Variants in KCNK1 observed in about 807,000 individuals in gnomAD.
KCNK1 encodes potassium channel subfamily K member 1.
In KCNK1, 10 loss-of-function variants were observed where a neutral mutation model predicts 22.2. The ratio of observed to expected loss-of-function variants is 0.45; its 90% CI spans 0.28 to 0.76. KCNK1 has a LOEUF of 0.76. KCNK1 is among the 30% of genes least tolerant of loss of function. The pLI, the probability that KCNK1 is intolerant of heterozygous loss-of-function variation, is 0.14. For synonymous variants in KCNK1, 200 were observed against 186.4 expected, an observed-to-expected ratio of 1.07 and a Z score of -0.60; for missense variants, 378 against 421.0, an observed-to-expected ratio of 0.90 and a Z score of 0.89.
intron 2 of KCNK1, among the ~76,000 whole-genome samples, chr1:233,668,960 A>G (rs886553351): frequency 6.6e-6 from 1 of 152,198 alleles, no homozygotes; most frequent in Non-Finnish European, 1.5e-5. Context: ...CCAAGAAATG[A>G]GATTGCTGGT....
intron 1 of KCNK1, among the ~76,000 whole-genome samples, chr1:233,659,371 C>T (rs1658352703): frequency 6.6e-6 from 1 of 150,578 alleles, no homozygotes; most frequent in African/African-American, 2.4e-5. Context: ...TTCTGAATTC[C>T]TCCTGAAGGA....
intron 2 of KCNK1, among the ~76,000 whole-genome samples, chr1:233,670,411 G>A (rs541054123): frequency 6.6e-6 from 1 of 152,148 alleles, no homozygotes; most frequent in East Asian, 1.9e-4. Flanking sequence ...TAGTGTATTA[G>A]TCTGTTTTCA....
At chr1:233,658,656 C>T (rs1488892217) in intron 1 of KCNK1, among the ~76,000 whole-genome samples, 1 of 152,144 alleles carries the variant, frequency 6.6e-6, no homozygotes, top group African/African-American at 2.4e-5. Flanking sequence ...GTAGAGTGTA[C>T]AAAGCTGAAT....
At position 233,628,760 on chromosome 1, in the gene KCNK1, A is replaced by AAATAATAAT. The variant is rs58722587; in HGVS notation, c.355+14249_355+14257dup. ...GGGCAACAGAGCAAGACTCTGTCTC[A>AAATAATAAT]AATAATAATAATAATAATAATAAAT... On this transcript the variant is annotated intron_variant, in intron 1 of 2. Coordinates refer to ENST00000366621, the MANE Select transcript of KCNK1 (RefSeq NM_002245.4). Among the ~76,000 whole-genome samples, 411 of 148,792 alleles carry AAATAATAAT rather than the reference A, an allele frequency of 2.8e-3. 2 individuals are homozygous for AAATAATAAT. Among genetic ancestry groups the AAATAATAAT allele is most frequent in the African/African-American group, 9.5e-3 (371 of 38,880 alleles).
intron 1 of KCNK1, among the ~76,000 whole-genome samples, chr1:233,644,605 TA>T (rs1158937209): frequency 1.3e-5 from 2 of 152,134 alleles, no homozygotes; most frequent in Non-Finnish European, 2.9e-5. Flanking sequence ...GGGACAGTGA[TA>T]TTAGTCTGAG....
rs1571905962 is a variant in KCNK1 at position 233,666,720 on chromosome 1, A to G, written c.481A>G (p.Thr161Ala). 6.2e-7 allele frequency: 1 copy of G among 1,613,848 alleles called. No individual in the cohort carries two copies. The highest frequency in any genetic ancestry group is 8.5e-7 in the Non-Finnish European group (1 of 1,180,012). The change falls in exon 2 of 3, where the codon ACC becomes GCC. Residue 161 changes from threonine to alanine, a missense_variant. Transcript: ENST00000366621. ...AVVQRITVHV[T>A]RRPVLYFHIR... The stretch of plus-strand genomic sequence containing the variant: ...GGTCCAGCGCATCACCGTGCACGTC[A>G]CCCGCAGGCCGGTCCTCTACTTCCA...
intron 1 of KCNK1, among the ~76,000 whole-genome samples, chr1:233,645,934 G>C (rs1658084498): frequency 5.3e-5 from 8 of 152,118 alleles, no homozygotes; most frequent in Admixed American, 5.2e-4. Flanking sequence ...AAAGCTTCTT[G>C]GTATTTGGTC....
In KCNK1 at chr1:233,614,250, G is replaced by C; in HGVS notation, c.79G>C (p.Val27Leu). The change falls in exon 1 of 3, where the codon GTG becomes CTG. Residue 27 changes from valine to leucine, a missense_variant. By Grantham distance (32) the Val-to-Leu change is conservative. Transcript: ENST00000366621. ...HRSAWCFGFLVLGYLLYLVFG... is the reference protein window; with the variant it reads ...HRSAWCFGFLLLGYLLYLVFG... ...CTCGGCCTGGTGCTTCGGCTTCCTG[G>C]TGCTGGGCTACTTGCTCTACCTGGT... 11 of 1,613,140 alleles carry C rather than the reference G, an allele frequency of 6.8e-6. No individual in the cohort carries two copies. The highest frequency in any genetic ancestry group is 9.3e-6 in the Non-Finnish European group (11 of 1,179,936).
At chr1:233,658,617 T>A (rs1199433345) in intron 1 of KCNK1, among the ~76,000 whole-genome samples, 1 of 152,206 alleles carries the variant, frequency 6.6e-6, no homozygotes, top group Non-Finnish European at 1.5e-5. Context: ...AAATGCATCC[T>A]TAGGTGTTTT....
At chr1:233,621,432 T>C (rs941074116) in intron 1 of KCNK1, among the ~76,000 whole-genome samples, 3 of 152,224 alleles carry the variant, frequency 2.0e-5, no homozygotes, top group Non-Finnish European at 4.4e-5. Flanking sequence ...ACAAAACCCA[T>C]ACAAATAGTG....
At chr1:233,665,706 T>C (rs1208309892) in intron 1 of KCNK1, among the ~76,000 whole-genome samples, 1 of 152,238 alleles carries the variant, frequency 6.6e-6, no homozygotes, top group African/African-American at 2.4e-5. Context: ...TCCCGGCAAA[T>C]GCCAAGTGCT....
At chr1:233,632,993 T>A (rs1021632555) in intron 1 of KCNK1, among the ~76,000 whole-genome samples, 1 of 151,974 alleles carries the variant, frequency 6.6e-6, no homozygotes, top group Admixed American at 6.6e-5. Context: ...TGCCTGCAGC[T>A]CCCAACCAGA....
chr1:233,654,850 C>T lies in KCNK1; in HGVS notation c.356-11745C>T, dbSNP rs1558117433. Among the ~76,000 whole-genome samples the T allele has an allele frequency of 2.0e-5, 3 of 152,344 alleles. No individual in the cohort carries two copies. In the South Asian group the frequency reaches 6.2e-4, roughly 32 times the overall value. Reference sequence around the variant, plus strand: ...AGGAGATTAGTCAACCAAGTGGAACCTGTTGCTCAAGGTGATTCAGAAGTA... The same window carrying T: ...AGGAGATTAGTCAACCAAGTGGAACTTGTTGCTCAAGGTGATTCAGAAGTA... On this transcript the variant is annotated intron_variant, in intron 1 of 2. Transcript: ENST00000366621.
At chr1:233,650,898 G>C (rs894868394) in intron 1 of KCNK1, among the ~76,000 whole-genome samples, 1 of 152,064 alleles carries the variant, frequency 6.6e-6, no homozygotes, top group Non-Finnish European at 1.5e-5. Context: ...TTTCCCTCCC[G>C]GGGGCACCAG....
Position 233,672,071 on chromosome 1 carries a change from A to G in KCNK1, c.*541A>G, listed in dbSNP as rs1252112128. The G allele has an allele frequency of 1.3e-5, 2 of 155,988 alleles. No individual in the cohort carries two copies. Among genetic ancestry groups the G allele is most frequent in the African/African-American group, 2.4e-5 (1 of 41,600 alleles). 9.7% of individuals were successfully genotyped at this position (155,988 alleles called of 1,614,324 possible). A position where few individuals can be genotyped will look rare whatever the true frequency, so the allele number is the denominator to read the frequency against. On this transcript the variant is annotated 3_prime_UTR_variant, in exon 3 of 3. Transcript: ENST00000366621. ...ACCATTAACTATGTACATATAAAGT[A>G]TAAATATGTTTATATTCTGTACATA...
intron 1 of KCNK1, chr1:233,660,753 G>A (rs983250325): frequency 1.3e-5 from 2 of 152,156 alleles, no homozygotes; most frequent in African/African-American, 4.8e-5. Context: ...CTTAGAATCA[G>A]CTTCACGGAA....
In KCNK1 at chr1:233,666,923, G is replaced by A; in HGVS notation, c.684G>A (p.Leu228=). Residue 228 remains leucine, a synonymous_variant, in exon 2 of 3, where the codon CTG becomes CTA. Transcript: ENST00000366621. ...FCFISLSTIG[L]GDYVPGEGYN... ...TTATTTCCCTGAGCACCATTGGCCT[G>A]GGGGATTATGTGCCTGGGGAAGGCT... 1 of 1,614,060 alleles carries A rather than the reference G, an allele frequency of 6.2e-7. No individual in the cohort carries two copies. Among genetic ancestry groups the A allele is most frequent in the African/African-American group, 1.3e-5 (1 of 75,024 alleles).
At position 233,614,219 on chromosome 1, in the gene KCNK1, G is replaced by A. The variant is rs780412485; in HGVS notation, c.48G>A (p.Arg16=). The A allele has an allele frequency of 6.2e-7, 1 of 1,610,866 alleles. No homozygotes were observed. The highest frequency in any genetic ancestry group is 1.7e-5 in the Admixed American group (1 of 59,948). ...AGSSCVRLVE[R]HRSAWCFGFL... is the part of the protein sequence containing the mutation. ...GCTCGTGCGTGCGCCTGGTGGAGCGGCACCGCTCGGCCTGGTGCTTCGGCT... is the reference window on the plus strand; with the variant it reads ...GCTCGTGCGTGCGCCTGGTGGAGCGACACCGCTCGGCCTGGTGCTTCGGCT... Residue 16 remains arginine (R), a synonymous_variant, in exon 1 of 3, where the codon CGG becomes CGA. Transcript: ENST00000366621.
At chr1:233,649,543 T>C (rs1571899592) in intron 1 of KCNK1, among the ~76,000 whole-genome samples, 1 of 152,342 alleles carries the variant, frequency 6.6e-6, no homozygotes, top group Non-Finnish European at 1.5e-5. Context: ...TTATAAAGAA[T>C]ACATTTGTTT....
Sources: allele counts gnomAD v4.1 joint callset (sites outside exome capture counted in the v4.1 genomes callset), GRCh38; gene constraint gnomAD v4.1.1; transcripts MANE v1.5; gene names NCBI Gene and HGNC (gene_info 2026-07-23, HGNC 2026-07-21).